The following NCOR2 variants were observed in gnomAD, a reference collection of about 807,000 sequenced individuals.
NCOR2 encodes nuclear receptor corepressor 2.
Under a neutral mutation model 262.9 loss-of-function variants are expected in NCOR2, and 81 were observed. That is an observed-to-expected ratio of 0.31 (90% CI 0.26 to 0.37). The LOEUF (loss-of-function observed/expected upper bound fraction) is 0.37. Ranked by LOEUF, NCOR2 falls within the 10% of genes least tolerant of loss-of-function variation. NCOR2 has a pLI of 1.00. For synonymous variants in NCOR2, 1,659 were observed against 1,559.3 expected (o/e 1.06, Z -1.51); for missense variants, 3,385 against 3,621.4 (o/e 0.93, Z 1.68).
At chr12:124,390,908 G>A (rs1483244587) in intron 16 of NCOR2, among the ~76,000 whole-genome samples, 1 of 152,258 alleles carries the variant, frequency 6.6e-6, no homozygotes, top group East Asian at 1.9e-4. Context: ...GGAGGTCTGA[G>A]TCACAGACGC....
intron 1 of NCOR2, among the ~76,000 whole-genome samples, chr12:124,513,054 G>A (rs777550552): frequency 6.6e-6 from 1 of 152,194 alleles, no homozygotes; most frequent in Admixed American, 6.5e-5. Flanking sequence ...CTGGAAGGAG[G>A]CAGCTTGGCA....
At chr12:124,471,538 T>TCACCAGC (rs2046834364) in intron 4 of NCOR2, among the ~76,000 whole-genome samples, 1 of 152,224 alleles carries the variant, frequency 6.6e-6, no homozygotes, top group African/African-American at 2.4e-5. Flanking sequence ...AATAATGATG[T>TCACCAGC]CACCAGCAGG....
intron 1 of NCOR2, among the ~76,000 whole-genome samples, chr12:124,563,219 C>T (rs1334524140): frequency 6.6e-6 from 1 of 152,178 alleles, no homozygotes; most frequent in South Asian, 2.1e-4. Flanking sequence ...ATCAGCGGCT[C>T]TCTTGGGGAT....
intron 22 of NCOR2, among the ~76,000 whole-genome samples, chr12:124,361,346 A>G (rs2038579852): frequency 6.6e-6 from 1 of 152,218 alleles, no homozygotes; most frequent in African/African-American, 2.4e-5. Flanking sequence ...AACACCTGCA[A>G]GGCACAACAG....
chr12:124,325,377 G>GCCCCCCCCCCCCCCCCCCC, exon 47 of NCOR2: 5 of 246,786 alleles, frequency 2.0e-5, no homozygotes, highest in Non-Finnish European at 2.6e-5. Context: ...ACCTGACACC[G>GCCCCCCCCCCCCCCCCCCC]CCCCCCCCCC....
chr12:124,474,753 A>T (rs769754653), intron 3 of NCOR2, among the ~76,000 whole-genome samples: 1 of 152,142 alleles, frequency 6.6e-6, no homozygotes, highest in Non-Finnish European at 1.5e-5. Flanking sequence ...CGTAAGCCTC[A>T]ATAAATGTTG....
chr12:124,445,600 G>A (rs2045113418), intron 7 of NCOR2, among the ~76,000 whole-genome samples: 1 of 152,196 alleles, frequency 6.6e-6, no homozygotes. Context: ...CAGCGGGGGC[G>A]AGGAGGCCGT....
At chr12:124,484,156 T>C (rs981601442) in intron 2 of NCOR2, among the ~76,000 whole-genome samples, 3 of 152,190 alleles carry the variant, frequency 2.0e-5, no homozygotes, top group Non-Finnish European at 4.4e-5. Flanking sequence ...ACAAGATCAT[T>C]GGGTGGTTCA....
intron 22 of NCOR2, among the ~76,000 whole-genome samples, chr12:124,357,309 T>C (rs1012149738): frequency 1.3e-5 from 2 of 152,172 alleles, no homozygotes; most frequent in Admixed American, 1.3e-4. Flanking sequence ...CACCGCACCA[T>C]GCCTGGCTAA....
intron 13 of NCOR2, among the ~76,000 whole-genome samples, chr12:124,404,935 A>G (rs1356044501): frequency 6.6e-6 from 1 of 152,246 alleles, no homozygotes; most frequent in African/African-American, 2.4e-5. Context: ...AGGAGGAAAC[A>G]GGCTCAGAGA....
upstream of NCOR2, among the ~76,000 whole-genome samples, chr12:124,496,646 G>A (rs1774028592): frequency 1.3e-5 from 2 of 152,146 alleles, no homozygotes; most frequent in Admixed American, 6.5e-5. This position sits in a 1 kb window ranked among gnomAD's most constrained non-coding sequence, Gnocchi z 4.4. Context: ...TAATGTGGAG[G>A]GGCATTGGGA....
intron 1 of NCOR2, among the ~76,000 whole-genome samples, chr12:124,515,637 G>A (rs945738019): frequency 8.8e-6 from 1 of 113,490 alleles, no homozygotes; most frequent in Non-Finnish European, 2.0e-5. Context: ...GTGCACGACT[G>A]TGAGTGTGCA....
intron 27 of NCOR2, among the ~76,000 whole-genome samples, chr12:124,352,127 T>C (rs952701801): frequency 3.3e-5 from 5 of 152,180 alleles, no homozygotes; most frequent in Non-Finnish European, 7.3e-5. Flanking sequence ...TGTGGCACAA[T>C]AGGTGCTGAG....
intron 1 of NCOR2, among the ~76,000 whole-genome samples, chr12:124,501,068 A>G (rs1692066): frequency 0.28 from 8,270 of 29,782 alleles, 246 homozygotes; most frequent in Admixed American, 0.36. Flanking sequence ...GCGCGCACAC[A>G]CACACACACA....
intron 13 of NCOR2, among the ~76,000 whole-genome samples, chr12:124,416,566 T>A (rs1206770065): frequency 2.7e-5 from 3 of 111,606 alleles, no homozygotes; most frequent in Non-Finnish European, 3.7e-5. Flanking sequence ...GCGGCACAGA[T>A]AGACCCCGCG....
At chr12:124,358,120 AGTGCATGGATGTGTGTGT>A (rs1336417961) in intron 22 of NCOR2, among the ~76,000 whole-genome samples, 10 of 84,838 alleles carry the variant, frequency 1.2e-4, no homozygotes, top group East Asian at 3.6e-4. Flanking sequence ...CGTGCGTGTG[AGTGCATGGATGTGTGTGT>A]GTGCATGGAT....
In NCOR2 at chr12:124,342,052, T is replaced by C. The variant is rs2230942; in HGVS notation, c.4959A>G (p.Arg1653=). ...GGTAGGTGGGGTTGGGGGCCAGGTG[T>C]CGGGGCAGGTAGTAGGCAGCGGCTG... The change falls in exon 34 of 47, where the codon CGA becomes CGG. Residue 1653 remains arginine (R), a synonymous_variant. Coordinates refer to ENST00000405201, the Ensembl canonical transcript of NCOR2. 139,144 of 1,610,632 alleles carry C rather than the reference T, an allele frequency of 0.086. 9,653 individuals carry two copies. The highest frequency in any genetic ancestry group is 0.33 in the East Asian group (14,863 of 44,778).
chr12:124,526,949 A>G (rs550008154), intron 1 of NCOR2, among the ~76,000 whole-genome samples: 2 of 152,352 alleles, frequency 1.3e-5, no homozygotes, highest in African/African-American at 4.8e-5. Context: ...GAGTCCCCCA[A>G]GAGCCAGCCA....
chr12:124,521,552 G>T (rs1328453622), intron 1 of NCOR2, among the ~76,000 whole-genome samples: 2 of 152,156 alleles, frequency 1.3e-5, no homozygotes, highest in African/African-American at 2.4e-5. Flanking sequence ...ACCCAAAATA[G>T]GTAAGTCCAC....
Sources: gnomAD v4.1 joint callset for allele counts (sites outside exome capture counted in the v4.1 genomes callset) on GRCh38, gnomAD v4.1.1 for gene constraint, Gnocchi (gnomAD v3.1) non-coding constraint, MANE v1.5 for transcripts, NCBI Gene and HGNC (gene_info 2026-07-23, HGNC 2026-07-21) for gene names.